Variants in ERICH3 observed in about 807,000 individuals in gnomAD.
ERICH3 encodes the protein glutamate rich 3, also known as glutamate-rich protein 3.
Under a neutral mutation model 131.1 loss-of-function variants are expected in ERICH3, and 126 were observed. That is an observed-to-expected ratio of 0.96 (90% confidence interval 0.83 to 1.11). The LOEUF (loss-of-function observed/expected upper bound fraction) is 1.11, where lower values mean the gene tolerates loss of function less well. ERICH3 is among the 50% of genes most tolerant of loss of function. The pLI is 0.00. For synonymous variants in ERICH3, 695 were observed against 644.6 expected, an observed-to-expected ratio of 1.08 and a Z score of -1.18; for missense variants, 2,050 against 1,810.7, an observed-to-expected ratio of 1.13 and a Z score of -2.40.
At chr1:74,584,894 A>C (rs1647260599) in intron 12 of ERICH3, among the ~76,000 whole-genome samples, 1 of 152,186 alleles carries the variant, frequency 6.6e-6, no homozygotes, top group African/African-American at 2.4e-5. Flanking sequence ...ACCTCAACTC[A>C]TAACACTTGA....
intron 3 of ERICH3, 28 bp downstream of exon 3, chr1:74,646,639 A>C (rs1570904659): frequency 1.7e-6 from 2 of 1,150,942 alleles, no homozygotes; most frequent in East Asian, 5.9e-5. Flanking sequence ...AAAATAAAAT[A>C]AAATAAAAAA....
Position 74,583,151 on chromosome 1 carries a change from G to A in ERICH3, c.2177-6215C>T, listed in dbSNP as rs573749332. Among the ~76,000 whole-genome samples, 309 of 152,206 alleles carry A rather than the reference G, an allele frequency of 2.0e-3. 1 individual carries two copies. The highest frequency in any genetic ancestry group is 3.9e-3 in the Non-Finnish European group (262 of 68,010). On this transcript the variant is annotated intron_variant, in intron 12 of 14. Transcript: ENST00000326665. The stretch of plus-strand genomic sequence containing the variant: ...CAGATGAAGAGGAAAATATGCAGAG[G>A]CATAAGAAGGAAAGTTCAAGAAATC...
At chr1:74,585,951 T>C (rs1647307102) in intron 12 of ERICH3, among the ~76,000 whole-genome samples, 1 of 152,128 alleles carries the variant, frequency 6.6e-6, no homozygotes, top group South Asian at 2.1e-4. Context: ...CCTCAGGTTT[T>C]TGATAGCATT....
At chr1:74,649,160 AG>A in intron 2 of ERICH3, 61 bp downstream of exon 2, 1 of 1,152,068 alleles carries the variant, frequency 8.7e-7, no homozygotes, top group East Asian at 2.5e-5. Flanking sequence ...AAGCCTGAAA[AG>A]GTAGGGAATT....
At position 74,612,491 on chromosome 1, in the gene ERICH3, C is replaced by T. The variant is rs768215317; in HGVS notation, c.1187+132G>A. The stretch of plus-strand genomic sequence containing the variant: ...GCACGCCATGTTACAATAAACAACC[C>T]TGAACCTAGATATTGTAGGCCCATC... On this transcript the variant is annotated intron_variant, in intron 9 of 14. Coordinates refer to ENST00000326665, the MANE Select transcript of ERICH3 (RefSeq NM_001002912.5). 1.5e-5 allele frequency: 11 copies of T among 722,960 alleles called. No individual in the cohort carries two copies. The Admixed American group carries it at 2.1e-4, about 14-fold the overall frequency. The allele number at this position is 722,960 out of a possible 1,614,324, so 44.8% of individuals were successfully genotyped here. A position where few individuals can be genotyped will look rare whatever the true frequency, so the allele number is the denominator to read the frequency against.
intron 10 of ERICH3, among the ~76,000 whole-genome samples, chr1:74,604,659 A>G (rs1043997182): frequency 2.0e-5 from 3 of 151,980 alleles, no homozygotes; most frequent in African/African-American, 7.2e-5. Context: ...GTGACCAGGT[A>G]CATTGTCAAT....
At position 74,571,799 on chromosome 1, in the gene ERICH3, A is replaced by G; in HGVS notation, c.3911T>C (p.Leu1304Pro). 3 of 1,613,570 alleles carry G rather than the reference A, an allele frequency of 1.9e-6. No individual in the cohort carries two copies. Among genetic ancestry groups the G allele is most frequent in the Non-Finnish European group, 2.5e-6 (3 of 1,179,952 alleles). Residue 1304 changes from leucine to proline, a missense_variant, in exon 14 of 15, where the codon CTG (leucine) becomes CCG (proline). Physicochemically the swap from Leu to Pro is moderately conservative, Grantham distance 98 (BLOSUM62 -3). Coordinates refer to ENST00000326665, the MANE Select transcript of ERICH3 (RefSeq NM_001002912.5). ...CCTGTCCTGCATCGCTTCTGTCTCC[A>G]GAGTGCACTCTTTGTCCTCTTCCTC... ...PEEEEDKECT[L>P]ETEAMQDRNS...
chr1:74,634,515 T>G (rs1389504365), intron 6 of ERICH3: 3 of 586,250 alleles, frequency 5.1e-6, no homozygotes, highest in East Asian at 3.0e-5. Flanking sequence ...CAGAACAGAT[T>G]TGAAGAGTCA....
intron 1 of ERICH3, among the ~76,000 whole-genome samples, chr1:74,669,560 T>G (rs1646722733): frequency 6.6e-6 from 1 of 152,098 alleles, no homozygotes; most frequent in African/African-American, 2.4e-5. Context: ...TTTAGCAAAC[T>G]AGAAGGACAA....
At chr1:74,580,584 A>G (rs542772154) in intron 12 of ERICH3, among the ~76,000 whole-genome samples, 51 of 152,274 alleles carry the variant, frequency 3.3e-4, no homozygotes, top group Non-Finnish European at 6.9e-4. Flanking sequence ...CACAATTTCC[A>G]CCAATTCTTT....
chr1:74,617,043 C>T (rs573082012), intron 8 of ERICH3, among the ~76,000 whole-genome samples: 1 of 151,882 alleles, frequency 6.6e-6, no homozygotes, highest in East Asian at 1.9e-4. Flanking sequence ...CCCAAGAGTC[C>T]AGACTAAAAA....
At chr1:74,593,194 G>T (rs1300876296) in intron 11 of ERICH3, among the ~76,000 whole-genome samples, 1 of 152,124 alleles carries the variant, frequency 6.6e-6, no homozygotes, top group African/African-American at 2.4e-5. Flanking sequence ...TCCTAAGCAA[G>T]GTCTTTGACT....
intron 9 of ERICH3, among the ~76,000 whole-genome samples, chr1:74,609,266 T>C (rs990719135): frequency 5.9e-5 from 9 of 152,060 alleles, no homozygotes; most frequent in Non-Finnish European, 1.5e-5. Flanking sequence ...CTGAGGACCT[T>C]AAACAGGTAA....
intron 10 of ERICH3, among the ~76,000 whole-genome samples, chr1:74,600,907 G>A (rs1648099804): frequency 6.6e-6 from 1 of 151,478 alleles, no homozygotes; most frequent in African/African-American, 2.4e-5. Flanking sequence ...TTCTCTGTGG[G>A]GGAGGGGGGC....
intron 11 of ERICH3, among the ~76,000 whole-genome samples, chr1:74,596,701 C>G (rs1220297171): frequency 6.6e-6 from 1 of 152,070 alleles, no homozygotes; most frequent in Non-Finnish European, 1.5e-5. Flanking sequence ...TAACATTCAT[C>G]TATGACAATA....
At chr1:74,632,086 C>T (rs1016516798) in intron 6 of ERICH3, among the ~76,000 whole-genome samples, 158 bp from the exon 7 acceptor site, 2 of 152,106 alleles carry the variant, frequency 1.3e-5, no homozygotes, top group Admixed American at 1.3e-4. Context: ...AAAAATGACA[C>T]TTTGTAGTAT....
chr1:74,599,843 T>C lies in ERICH3; in HGVS notation c.1578A>G (p.Ile526Met), dbSNP rs756448794. 15 of 1,612,392 alleles carry C rather than the reference T, an allele frequency of 9.3e-6. No individual in the cohort carries two copies. The highest frequency in any genetic ancestry group is 1.3e-5 in the Non-Finnish European group (15 of 1,178,988). The change falls in exon 11 of 15, where the codon ATA becomes ATG. Residue 526 changes from isoleucine (I) to methionine (M), a missense_variant. Coordinates refer to ENST00000326665, the MANE Select transcript of ERICH3 (RefSeq NM_001002912.5). ...EGQADVQMNGIPQSPLDDKKD... is the reference protein window; with the variant it reads ...EGQADVQMNGMPQSPLDDKKD... The stretch of plus-strand genomic sequence containing the variant: ...TTTTATCATCCAAAGGTGACTGCGG[T>C]ATTCCATTCATTTGAACATCAGCCT...
At chr1:74,646,472 TTG>T (rs1402479901) in intron 3 of ERICH3, among the ~76,000 whole-genome samples, 193 bp downstream of exon 3, 3 of 152,090 alleles carry the variant, frequency 2.0e-5, no homozygotes, top group Non-Finnish European at 4.4e-5. Flanking sequence ...CAGAGAGATA[TTG>T]AGTATTTCTT....
At chr1:74,649,673 G>C (rs887781499) in intron 1 of ERICH3, among the ~76,000 whole-genome samples, 2 of 152,114 alleles carry the variant, frequency 1.3e-5, no homozygotes, top group Non-Finnish European at 2.9e-5. Context: ...GGCCTGATGG[G>C]AAAGCAAGGG....
Sources: allele counts gnomAD v4.1 joint callset (sites outside exome capture counted in the v4.1 genomes callset), GRCh38; gene constraint gnomAD v4.1.1; transcripts MANE v1.5; gene names NCBI Gene and HGNC (gene_info 2026-07-23, HGNC 2026-07-21).